Variants in LAD1 observed in about 807,000 individuals in gnomAD.
The protein encoded by LAD1 is ladinin-1.
A neutral mutation model predicts 54.2 loss-of-function variants in LAD1; 53 were observed. The observed-to-expected ratio is 0.98, with a 90% CI of 0.78 to 1.23. The LOEUF (loss-of-function observed/expected upper bound fraction) is 1.23. Ranked by LOEUF, LAD1 falls within the 50% of genes most tolerant of loss-of-function variation. LAD1 has a pLI of 0.00. For missense variants in LAD1, 637 were observed against 653.3 expected (o/e 0.98, Z 0.27); for synonymous variants, 231 against 257.7 (o/e 0.90, Z 0.99).
In LAD1 at chr1:201,382,288, C is replaced by G. The variant is rs760839077; in HGVS notation, c.1512G>C (p.Gln504His). 3 of 1,613,892 alleles carry G rather than the reference C, an allele frequency of 1.9e-6. No individual in the cohort carries two copies. Among genetic ancestry groups the G allele is most frequent in the Non-Finnish European group, 1.7e-6 (2 of 1,179,974 alleles). ...QKASSATERT[Q>H]WGQKSDSSLD... ...GCGAGGAGTCAGATTTCTGTCCCCACTGAGTCCTCTCGGTTGCAGATGATG... is the reference window on the plus strand; with the variant it reads ...GCGAGGAGTCAGATTTCTGTCCCCAGTGAGTCCTCTCGGTTGCAGATGATG... The change falls in exon 9 of 10, where the codon CAG (glutamine) becomes CAC (histidine). Residue 504 changes from glutamine (Q) to histidine (H), a missense_variant. By Grantham distance (24) the Gln-to-His change is conservative. Transcript: ENST00000391967.
chr1:201,399,015 G>A (rs999357298), intron 1 of LAD1, among the ~76,000 whole-genome samples: 2 of 152,204 alleles, frequency 1.3e-5, no homozygotes, highest in African/African-American at 4.8e-5. Context: ...TATCCCAGCG[G>A]GCGTCCAGAC....
At chr1:201,397,890 AC>A (rs1662326045) in intron 1 of LAD1, among the ~76,000 whole-genome samples, 1 of 151,862 alleles carries the variant, frequency 6.6e-6, no homozygotes, top group Admixed American at 6.6e-5. Flanking sequence ...TCCCACATCA[AC>A]CCCCAGGCAC....
intron 1 of LAD1, among the ~76,000 whole-genome samples, chr1:201,396,142 G>A (rs1360375827): frequency 1.3e-5 from 2 of 152,168 alleles, no homozygotes; most frequent in East Asian, 1.9e-4. Flanking sequence ...CTACAGGCCC[G>A]AACAGCTGCG....
At position 201,381,442 on chromosome 1, in the gene LAD1, T is replaced by G; in HGVS notation, c.*446A>C. 1 of 199,872 alleles carries G rather than the reference T, an allele frequency of 5.0e-6. No individual in the cohort carries two copies. The highest frequency in any genetic ancestry group is 2.4e-5 in the African/African-American group (1 of 41,662). The allele number at this position is 199,872 out of a possible 1,614,324, so 12.4% of individuals were successfully genotyped here. The stretch of plus-strand genomic sequence containing the variant: ...TGGGAGCAGGCCCCAGGGACAAAGA[T>G]GGGTGGGTCCAGGCCTCAGAGAAGG... On this transcript the variant is annotated 3_prime_UTR_variant, in exon 10 of 10. Coordinates refer to ENST00000391967, the MANE Select transcript of LAD1 (RefSeq NM_005558.4).
intron 1 of LAD1, among the ~76,000 whole-genome samples, chr1:201,397,566 C>T (rs569786056): frequency 2.0e-5 from 3 of 151,850 alleles, no homozygotes; most frequent in South Asian, 2.1e-4. Context: ...CACACACCCC[C>T]CCATGCATAT....
At chr1:201,382,480 C>T (rs1159165637) in intron 8 of LAD1, among the ~76,000 whole-genome samples, 154 bp from the exon 9 acceptor site, 1 of 152,042 alleles carries the variant, frequency 6.6e-6, no homozygotes, top group African/African-American at 2.4e-5. Context: ...CAGAGTCTGA[C>T]CCACACACCC....
In LAD1 at chr1:201,386,919, G is replaced by T; in HGVS notation, c.442C>A (p.Arg148=). ...LEIPPRRRLS[R]EQRGPWALEE... is the part of the protein sequence containing the mutation. ...AGGGCCCAGGGGCCCCGCTGTTCCCGACTCAGTCTCCGGCGAGGTGGGATT... is the reference window on the plus strand; with the variant it reads ...AGGGCCCAGGGGCCCCGCTGTTCCCTACTCAGTCTCCGGCGAGGTGGGATT... Residue 148 remains arginine, a synonymous_variant, in exon 3 of 10, where the codon CGG becomes AGG. Coordinates refer to ENST00000391967, the MANE Select transcript of LAD1 (RefSeq NM_005558.4). 1 of 1,613,592 alleles carries T rather than the reference G, an allele frequency of 6.2e-7. No individual in the cohort carries two copies. The highest frequency in any genetic ancestry group is 2.2e-5 in the East Asian group (1 of 44,876).
At chr1:201,382,595 C>T in intron 8 of LAD1, 58 bp downstream of exon 8, 5 of 1,391,762 alleles carry the variant, frequency 3.6e-6, no homozygotes, top group Non-Finnish European at 5.0e-6. Context: ...CTCCTCTGTC[C>T]CCAGTCATCC....
chr1:201,395,804 C>T (rs955880210), intron 1 of LAD1, among the ~76,000 whole-genome samples: 2 of 152,064 alleles, frequency 1.3e-5, no homozygotes, highest in Admixed American at 6.5e-5. Flanking sequence ...AACAACCTTC[C>T]CACGATCGCA....
In LAD1 at chr1:201,386,872, GC is replaced by G. The variant is rs35016536; in HGVS notation, c.488del (p.Gly163AlafsTer56). On this transcript the variant is annotated frameshift_variant, in exon 3 of 10. Coordinates refer to ENST00000391967, the MANE Select transcript of LAD1 (RefSeq NM_005558.4). LOFTEE classifies it high-confidence loss of function. ...PWALEEESLV[G>X]REPEERKKGV... Reference sequence around the variant, plus strand: ...CTTTCTTCCTCTCTTCTGGCTCCCTGCCCACCAAGCTCTCCTCCTCCAGGGC... The same window carrying G: ...CTTTCTTCCTCTCTTCTGGCTCCCTGCCACCAAGCTCTCCTCCTCCAGGGC... 46,384 of 1,612,582 alleles carry G rather than the reference GC, an allele frequency of 0.029. 1,771 individuals carry two copies. Among genetic ancestry groups the G allele is most frequent in the African/African-American group, 0.15 (11,159 of 74,728 alleles).
chr1:201,389,771 G>A (rs920954236), intron 1 of LAD1, among the ~76,000 whole-genome samples: 1 of 151,890 alleles, frequency 6.6e-6, no homozygotes, highest in Non-Finnish European at 1.5e-5. Context: ...GCAGTGAGTC[G>A]AGATTGTGTC....
Position 201,386,463 on chromosome 1 carries a change from C to T in LAD1, c.898G>A (p.Gly300Arg). ...TGCTCCTTGGTGGTGGCTGGGCTTC[C>T]CCCAGAGGCTGGCGGCTCCTGCGCC... is the stretch of plus-strand genomic sequence containing the variant. ...PLAQEPPASG[G>R]SPATTKEQRG... The change falls in exon 3 of 10, where the codon GGA becomes AGA. Residue 300 changes from glycine to arginine, a missense_variant. Gly to Arg is a moderately radical substitution (Grantham distance 125). Transcript: ENST00000391967. 6.5e-7 allele frequency: 1 copy of T among 1,549,268 alleles called. No homozygotes were observed. Among genetic ancestry groups the T allele is most frequent in the Non-Finnish European group, 8.7e-7 (1 of 1,154,060 alleles).
In LAD1 at chr1:201,392,326, A is replaced by G. The variant is rs190995521; in HGVS notation, c.39-3023T>C. On this transcript the variant is annotated intron_variant, in intron 1 of 9. Coordinates refer to ENST00000391967, the MANE Select transcript of LAD1 (RefSeq NM_005558.4). ...GGGAACAGCTGGGAATGAGACCAAC[A>G]GGGTCTTCCCCTTCACAGGGCACAC... is the stretch of plus-strand genomic sequence containing the variant. Among the ~76,000 whole-genome samples the G allele has an allele frequency of 1.4e-3, 219 of 152,370 alleles. 1 individual carries two copies. Among genetic ancestry groups the G allele is most frequent in the African/African-American group, 5.1e-3 (211 of 41,582 alleles).
intron 1 of LAD1, among the ~76,000 whole-genome samples, chr1:201,390,000 G>C (rs1662169717): frequency 6.6e-6 from 1 of 151,498 alleles, no homozygotes; most frequent in African/African-American, 2.4e-5. Flanking sequence ...GCTCACTGCA[G>C]CCCCAACCTC....
At chr1:201,383,262 C>T (rs1173163229) in intron 6 of LAD1, 51 bp from the exon 7 acceptor site, 1 of 1,613,992 alleles carries the variant, frequency 6.2e-7, no homozygotes, top group Non-Finnish European at 8.5e-7. Flanking sequence ...GGGGAAAGGG[C>T]CATGCCCACT....
At chr1:201,392,720 C>G (rs1423485933) in intron 1 of LAD1, among the ~76,000 whole-genome samples, 1 of 152,042 alleles carries the variant, frequency 6.6e-6, no homozygotes, top group Non-Finnish European at 1.5e-5. Flanking sequence ...GCTGGAGAGC[C>G]CTGGAGAGTG....
intron 1 of LAD1, chr1:201,397,369 A>AGGGAG (rs1312255763): frequency 6.6e-6 from 1 of 152,490 alleles, no homozygotes; most frequent in Admixed American, 6.5e-5. Flanking sequence ...GGGACCCGGC[A>AGGGAG]GGGAGGGCAG....
At chr1:201,387,242 ACCCAAT>A (rs1662110755) in intron 2 of LAD1, 64 bp from the exon 3 acceptor site, 21 of 1,408,330 alleles carry the variant, frequency 1.5e-5, no homozygotes, top group African/African-American at 4.3e-5. Context: ...AGTATACCTA[ACCCAAT>A]GGAGATGCTG....
intron 2 of LAD1, among the ~76,000 whole-genome samples, 195 bp downstream of exon 2, chr1:201,388,965 G>C (rs1202157656): frequency 6.6e-6 from 1 of 152,208 alleles, no homozygotes; most frequent in Non-Finnish European, 1.5e-5. Flanking sequence ...TCTACAAATA[G>C]TAGCAAGCAT....
Sources: gnomAD v4.1 joint callset for allele counts (sites outside exome capture counted in the v4.1 genomes callset) on GRCh38, gnomAD v4.1.1 for gene constraint, MANE v1.5 for transcripts, NCBI Gene and HGNC (gene_info 2026-07-23, HGNC 2026-07-21) for gene names.